The following CDYL variants were observed in gnomAD, a reference collection of about 807,000 sequenced individuals.
CDYL encodes the protein chromodomain Y-like protein.
CDYL carries 8 observed loss-of-function variants against 47.3 expected under a neutral mutation model. That is an observed-to-expected ratio of 0.17 (90% CI 0.10 to 0.31). CDYL has a LOEUF of 0.31. CDYL is among the 10% of genes least tolerant of loss of function. The probability of loss-of-function intolerance (pLI) is 1.00; values close to 1 mark genes in which losing one functional copy is unlikely to be tolerated. For synonymous variants in CDYL, 266 were observed against 265.0 expected (o/e 1.00, Z -0.04); for missense variants, 471 against 701.4 (o/e 0.67, Z 3.71).
intron 1 of CDYL, among the ~76,000 whole-genome samples, chr6:4,834,080 G>C (rs1270847391): frequency 1.5e-4 from 23 of 150,748 alleles, no homozygotes; most frequent in Non-Finnish European, 3.3e-4. Flanking sequence ...TACATTTAAA[G>C]TTAATATTGT....
intron 3 of CDYL, among the ~76,000 whole-genome samples, chr6:4,735,609 CA>C (rs1757688690): frequency 6.6e-6 from 1 of 151,582 alleles, no homozygotes; most frequent in South Asian, 2.1e-4. Flanking sequence ...ACTAAAAATA[CA>C]AAAAAATTAG....
intron 1 of CDYL, among the ~76,000 whole-genome samples, chr6:4,814,625 A>G (rs1759619075): frequency 6.6e-6 from 1 of 152,130 alleles, no homozygotes; most frequent in African/African-American, 2.4e-5. Flanking sequence ...TCCAAGGTTC[A>G]AGCAATTCTC....
At chr6:4,854,896 A>G (rs6933949) in intron 1 of CDYL, among the ~76,000 whole-genome samples, 3,312 of 152,318 alleles carry the variant, frequency 0.022, 126 homozygotes, top group African/African-American at 0.076. Flanking sequence ...AGAAGTCTAC[A>G]GAGGCCCCTG....
At chr6:4,726,699 C>CA (rs535946910) in intron 2 of CDYL, among the ~76,000 whole-genome samples, 13,602 of 124,498 alleles carry the variant, frequency 0.11, 681 homozygotes, top group Middle Eastern at 0.14. Flanking sequence ...AGACCTGTCT[C>CA]AAAAAAAAAA....
At chr6:4,896,023 G>C (rs531285051) in intron 2 of CDYL, among the ~76,000 whole-genome samples, 1 of 152,286 alleles carries the variant, frequency 6.6e-6, no homozygotes, top group South Asian at 2.1e-4. Context: ...CCAAAGCTAT[G>C]ATCTCTACCC....
chr6:4,905,502 G>A (rs1193493039), intron 2 of CDYL, among the ~76,000 whole-genome samples: 2 of 152,190 alleles, frequency 1.3e-5, no homozygotes, highest in Non-Finnish European at 2.9e-5. Flanking sequence ...TAATTCCGCA[G>A]GGGCAGTGGG....
intron 1 of CDYL, among the ~76,000 whole-genome samples, chr6:4,707,306 T>G (rs1488382293): frequency 1.3e-5 from 2 of 152,198 alleles, no homozygotes; most frequent in Non-Finnish European, 2.9e-5. Context: ...AGACAGAGTC[T>G]CGCTCTGTCA....
intron 1 of CDYL, among the ~76,000 whole-genome samples, chr6:4,815,234 T>C (rs1248925311): frequency 6.6e-6 from 1 of 152,246 alleles, no homozygotes; most frequent in Admixed American, 6.5e-5. Context: ...TATATGCATA[T>C]GTTTATGTAT....
At chr6:4,869,742 C>G (rs923712909) in intron 1 of CDYL, among the ~76,000 whole-genome samples, 7 of 152,168 alleles carry the variant, frequency 4.6e-5, no homozygotes, top group Admixed American at 1.3e-4. Flanking sequence ...TCTCCTCCCC[C>G]CTCCTTTTTG....
chr6:4,942,920 C>T (rs1369720734), intron 4 of CDYL, among the ~76,000 whole-genome samples: 1 of 152,186 alleles, frequency 6.6e-6, no homozygotes, highest in Non-Finnish European at 1.5e-5. Flanking sequence ...GTTTGCAGGT[C>T]GCATGTCTTG....
chr6:4,777,308 T>C (rs987966309), intron 1 of CDYL, among the ~76,000 whole-genome samples: 1 of 152,106 alleles, frequency 6.6e-6, no homozygotes, highest in African/African-American at 2.4e-5. Flanking sequence ...GCACCGAAAA[T>C]GCTAAACGTT....
intron 1 of CDYL, among the ~76,000 whole-genome samples, chr6:4,821,456 C>T (rs985083451): frequency 4.6e-5 from 7 of 151,534 alleles, no homozygotes; most frequent in Admixed American, 2.6e-4. Context: ...CCTTGTGGCC[C>T]GGCGTGGTGG....
chr6:4,861,458 C>T (rs1294864797), intron 1 of CDYL, among the ~76,000 whole-genome samples: 1 of 152,190 alleles, frequency 6.6e-6, no homozygotes, highest in African/African-American at 2.4e-5. Flanking sequence ...GCTCCACTTC[C>T]CCGCATCAGA....
At chr6:4,884,184 G>A (rs1761840227) in intron 1 of CDYL, among the ~76,000 whole-genome samples, 1 of 152,196 alleles carries the variant, frequency 6.6e-6, no homozygotes, top group African/African-American at 2.4e-5. Context: ...AACACATCTT[G>A]TATTATCCGT....
intron 2 of CDYL, among the ~76,000 whole-genome samples, chr6:4,722,964 A>G (rs1757399922): frequency 6.6e-6 from 1 of 152,216 alleles, no homozygotes; most frequent in African/African-American, 2.4e-5. Context: ...CAATCTTTGA[A>G]TGAAAATATC....
chr6:4,754,761 A>G (rs1271735093), intron 3 of CDYL, among the ~76,000 whole-genome samples: 4 of 152,214 alleles, frequency 2.6e-5, no homozygotes, highest in African/African-American at 9.6e-5. Context: ...TATAATTTCG[A>G]AGGAAATCCA....
chr6:4,856,427 CAG>C (rs1761008512), intron 1 of CDYL, among the ~76,000 whole-genome samples: 1 of 152,110 alleles, frequency 6.6e-6, no homozygotes, highest in African/African-American at 2.4e-5. Context: ...CTGAATGAGA[CAG>C]AGCCCAGTCG....
chr6:4,800,558 C>T (rs561943078), intron 1 of CDYL, among the ~76,000 whole-genome samples: 112 of 152,258 alleles, frequency 7.4e-4, no homozygotes, highest in African/African-American at 2.6e-3. Flanking sequence ...TCTAAGTTGC[C>T]ATCTAGTGTA....
chr6:4,831,770 C>T (rs1271855058), intron 1 of CDYL, among the ~76,000 whole-genome samples: 2 of 152,134 alleles, frequency 1.3e-5, no homozygotes, highest in Non-Finnish European at 2.9e-5. Flanking sequence ...GTTTGTAGTT[C>T]TCCTTGAAGA....
Sources: allele counts gnomAD v4.1 joint callset (sites outside exome capture counted in the v4.1 genomes callset), GRCh38; gene constraint gnomAD v4.1.1; transcripts MANE v1.5; gene names NCBI Gene and HGNC (gene_info 2026-07-23, HGNC 2026-07-21).